The following TNIK variants were observed in gnomAD, a reference collection of about 807,000 sequenced individuals.
TNIK encodes TRAF2 and NCK-interacting protein kinase.
TNIK carries 49 observed loss-of-function variants against 191.3 expected under a neutral mutation model. The observed-to-expected ratio is 0.26, with a 90% confidence interval of 0.20 to 0.32. The LOEUF is 0.32. Ranked by LOEUF, TNIK falls within the 10% of genes least tolerant of loss-of-function variation. The pLI is 1.00. For missense variants in TNIK, 1,155 were observed against 1,702.3 expected, an observed-to-expected ratio of 0.68 and a Z score of 5.66; for synonymous variants, 594 against 600.9, an observed-to-expected ratio of 0.99 and a Z score of 0.17.
At chr3:171,312,126 AAAAAAAAAAAAAAAAG>A (rs1190017136) in intron 2 of TNIK, among the ~76,000 whole-genome samples, 2 of 146,228 alleles carry the variant, frequency 1.4e-5, no homozygotes, top group Non-Finnish European at 3.0e-5. Context: ...AAAAAAAAAA[AAAAAAAAAAAAAAAAG>A]GGCTAGACTG....
At chr3:171,393,666 C>T (rs1365438099) in intron 1 of TNIK, among the ~76,000 whole-genome samples, 1 of 152,206 alleles carries the variant, frequency 6.6e-6, no homozygotes, top group African/African-American at 2.4e-5. Context: ...TTCTTGCTAT[C>T]AAGAGTGACT....
chr3:171,082,478 CTG>C (rs1720819695), intron 26 of TNIK, 84 bp from the exon 27 acceptor site: 12 of 1,500,912 alleles, frequency 8.0e-6, no homozygotes, highest in South Asian at 1.4e-5. Flanking sequence ...ATTTAAGAAA[CTG>C]TGACTTGTAA....
At chr3:171,158,650 T>C (rs1733547688) in intron 11 of TNIK, among the ~76,000 whole-genome samples, 1 of 152,250 alleles carries the variant, frequency 6.6e-6, no homozygotes, top group Admixed American at 6.5e-5. Flanking sequence ...TAGTAAGCTC[T>C]AAGGATACGG....
intron 2 of TNIK, among the ~76,000 whole-genome samples, chr3:171,267,046 C>A (rs1748487072): frequency 1.3e-5 from 2 of 152,134 alleles, no homozygotes; most frequent in African/African-American, 4.8e-5. Context: ...AAGAAACTGG[C>A]ACAGATAAAT....
At chr3:171,090,497 TC>T (rs1338489797) in intron 23 of TNIK, among the ~76,000 whole-genome samples, 1 of 151,652 alleles carries the variant, frequency 6.6e-6, no homozygotes, top group African/African-American at 2.4e-5. Flanking sequence ...CAAAGAGCCT[TC>T]ATGATGACAA....
chr3:171,201,808 C>G (rs1478350094), intron 4 of TNIK, among the ~76,000 whole-genome samples: 2 of 152,148 alleles, frequency 1.3e-5, no homozygotes, highest in Non-Finnish European at 1.5e-5. Context: ...TACTATCTAT[C>G]TATCTATATA....
intron 2 of TNIK, among the ~76,000 whole-genome samples, chr3:171,250,753 G>A (rs1178902521): frequency 1.3e-5 from 2 of 152,184 alleles, no homozygotes; most frequent in Non-Finnish European, 2.9e-5. Context: ...GCCGTTATAA[G>A]AACTAAAATA....
At chr3:171,140,583 G>C in intron 12 of TNIK, 74 bp from the exon 13 acceptor site, 1 of 1,372,134 alleles carries the variant, frequency 7.3e-7, no homozygotes, top group Non-Finnish European at 1.0e-6. Context: ...AGCAGGAAAA[G>C]CTGTTGAACC....
chr3:171,268,613 C>T (rs1748692112), intron 2 of TNIK, among the ~76,000 whole-genome samples: 1 of 151,898 alleles, frequency 6.6e-6, no homozygotes, highest in Non-Finnish European at 1.5e-5. Flanking sequence ...GTCATCCAAA[C>T]CTGAGCATGA....
chr3:171,177,165 T>C (rs1421153614), intron 8 of TNIK, among the ~76,000 whole-genome samples, 161 bp downstream of exon 8: 4 of 152,086 alleles, frequency 2.6e-5, no homozygotes, highest in Non-Finnish European at 5.9e-5. Context: ...ATGAATGGAT[T>C]CCTGGTTGAT....
At chr3:171,303,271 A>G (rs1288038104) in intron 2 of TNIK, among the ~76,000 whole-genome samples, 2 of 152,216 alleles carry the variant, frequency 1.3e-5, no homozygotes, top group Admixed American at 1.3e-4. Context: ...GCCTCTTTCT[A>G]TGCTTCAGAG....
chr3:171,081,493 C>T (rs1334427095), intron 27 of TNIK, among the ~76,000 whole-genome samples: 2 of 149,422 alleles, frequency 1.3e-5, no homozygotes, highest in Non-Finnish European at 3.0e-5. Flanking sequence ...TCTGGGGGTG[C>T]AGCCTAGATT....
intron 2 of TNIK, among the ~76,000 whole-genome samples, chr3:171,228,528 G>C (rs1295036535): frequency 6.6e-6 from 1 of 152,178 alleles, no homozygotes; most frequent in Non-Finnish European, 1.5e-5. Context: ...TATGTCGAAG[G>C]GGAGCTAGGC....
chr3:171,452,332 T>C (rs1400023223), intron 1 of TNIK, among the ~76,000 whole-genome samples: 4 of 152,132 alleles, frequency 2.6e-5, no homozygotes, highest in Admixed American at 2.6e-4. Context: ...AGAATAAGAA[T>C]CCATGGCTAT....
chr3:171,158,169 G>T (rs570429086), intron 11 of TNIK, among the ~76,000 whole-genome samples: 1 of 152,192 alleles, frequency 6.6e-6, no homozygotes, highest in African/African-American at 2.4e-5. Context: ...ATGAACTAGC[G>T]ATGGAAAACC....
At chr3:171,347,017 C>T in intron 2 of TNIK, 1 of 926,404 alleles carries the variant, frequency 1.1e-6, no homozygotes, top group South Asian at 1.8e-5. Context: ...AGGGACAGTC[C>T]TGCAGGCGTT....
intron 2 of TNIK, among the ~76,000 whole-genome samples, chr3:171,252,588 A>G (rs746150117): frequency 5.7e-4 from 87 of 152,234 alleles, no homozygotes; most frequent in Non-Finnish European, 7.8e-4. Flanking sequence ...CCCAGCTTAG[A>G]AGGTAAAATA....
chr3:171,387,994 G>A (rs1466708502), intron 1 of TNIK, among the ~76,000 whole-genome samples: 3 of 151,498 alleles, frequency 2.0e-5, no homozygotes, highest in Non-Finnish European at 2.9e-5. Flanking sequence ...GGGAGGGGAC[G>A]GGGGGGAGCA....
rs377119108 is a variant in TNIK at position 171,297,358 on chromosome 3, C to T, written c.124-69137G>A. Among the ~76,000 whole-genome samples, 12 of 152,298 alleles carry T rather than the reference C, an allele frequency of 7.9e-5. No individual in the cohort carries two copies. The South Asian group carries it at 2.3e-3, about 29-fold the overall frequency. On this transcript the variant is annotated intron_variant, in intron 2 of 32. Coordinates refer to ENST00000436636, the MANE Select transcript of TNIK (RefSeq NM_015028.4). Reference sequence around the variant, plus strand: ...ACTTTCTTTTGCACCCCCACCCCAACTTTCACATGTAAGTAATGCACTGAG... The same window carrying T: ...ACTTTCTTTTGCACCCCCACCCCAATTTTCACATGTAAGTAATGCACTGAG...
Sources: allele counts gnomAD v4.1 joint callset (sites outside exome capture counted in the v4.1 genomes callset), GRCh38; gene constraint gnomAD v4.1.1; transcripts MANE v1.5; gene names NCBI Gene and HGNC (gene_info 2026-07-23, HGNC 2026-07-21).